EYS: variants seen among roughly 807,000 people sequenced by gnomAD.
EYS encodes protein eyes shut homolog.
EYS carries 250 observed loss-of-function variants against 282.1 expected under a neutral mutation model. The observed-to-expected ratio is 0.89, with a 90% CI of 0.80 to 0.98. The LOEUF (loss-of-function observed/expected upper bound fraction) is 0.98, where lower values mean the gene tolerates loss of function less well. EYS is among the 50% of genes least tolerant of loss of function. The pLI, the probability that EYS is intolerant of heterozygous loss-of-function variation, is 0.00. For missense variants in EYS, 4,016 were observed against 3,709.0 expected, an observed-to-expected ratio of 1.08 and a Z score of -2.15; for synonymous variants, 1,355 against 1,282.9, an observed-to-expected ratio of 1.06 and a Z score of -1.20.
At chr6:63,738,869 C>T (rs1164387357) in intron 41 of EYS, among the ~76,000 whole-genome samples, 1 of 152,150 alleles carries the variant, frequency 6.6e-6, no homozygotes, top group East Asian at 1.9e-4. Flanking sequence ...CTAATCTCCA[C>T]CCACTAGCAG....
chr6:63,875,976 T>C (rs561095497), intron 35 of EYS, among the ~76,000 whole-genome samples: 1 of 152,346 alleles, frequency 6.6e-6, no homozygotes, highest in African/African-American at 2.4e-5. Context: ...TCTCCTTCAG[T>C]TCTGCTCTGA....
intron 2 of EYS, among the ~76,000 whole-genome samples, chr6:65,543,469 ATG>A (rs981138594): frequency 6.1e-5 from 9 of 148,248 alleles, no homozygotes; most frequent in Non-Finnish European, 7.4e-5. Context: ...TATATTAATT[ATG>A]TGTGTGTATA....
chr6:65,239,246 C>G lies in EYS; in HGVS notation c.2023+56617G>C, dbSNP rs559419726. 2.0e-5 allele frequency among the ~76,000 whole-genome samples: 3 copies of G among 151,928 alleles called. No homozygotes were observed. The South Asian group carries it at 6.2e-4, about 31-fold the overall frequency. ...ATTTGAAATGAGAGCGTAAAAATAACAATTACCACAATTTTTAAATTAATA... is the reference window on the plus strand; with the variant it reads ...ATTTGAAATGAGAGCGTAAAAATAAGAATTACCACAATTTTTAAATTAATA... On this transcript the variant is annotated intron_variant, in intron 12 of 42. Transcript: ENST00000503581.
At chr6:65,426,686 G>T (rs1036084766) in intron 5 of EYS, among the ~76,000 whole-genome samples, 1 of 152,014 alleles carries the variant, frequency 6.6e-6, no homozygotes, top group Non-Finnish European at 1.5e-5. Context: ...AAATCGTAGG[G>T]TTGTGAGACT....
At chr6:65,006,553 A>G (rs1771671076) in intron 13 of EYS, among the ~76,000 whole-genome samples, 1 of 151,784 alleles carries the variant, frequency 6.6e-6, no homozygotes, top group Non-Finnish European at 1.5e-5. Context: ...ACTCAAAAAT[A>G]TTAAAGTATG....
intron 22 of EYS, among the ~76,000 whole-genome samples, chr6:64,704,494 TATA>T (rs111840699): frequency 0.072 from 1,115 of 15,388 alleles, 25 homozygotes; most frequent in African/African-American, 0.13. Context: ...ATAATTATAA[TATA>T]ATACTTATAA....
chr6:65,105,489 T>C (rs1775009716), intron 12 of EYS, among the ~76,000 whole-genome samples: 1 of 151,890 alleles, frequency 6.6e-6, no homozygotes, highest in Admixed American at 6.6e-5. Flanking sequence ...GCGTTATGGT[T>C]TTCATTTAAT....
Position 63,863,663 on chromosome 6 carries a change from C to CTTTTTTTTTTTTTTT in EYS, c.7228+522_7228+523insAAAAAAAAAAAAAAA, listed in dbSNP as rs1436358110. On this transcript the variant is annotated intron_variant, in intron 36 of 42. Coordinates refer to ENST00000503581, the MANE Select transcript of EYS (RefSeq NM_001142800.2). Reference sequence around the variant, plus strand: ...TTTTTCTTTTCTTTTCTTTTCTTTTCTTTTCTTTTTTCTTTTTTTTTTTTT... The same window carrying CTTTTTTTTTTTTTTT: ...TTTTTCTTTTCTTTTCTTTTCTTTTCTTTTTTTTTTTTTTTTTTTCTTTTTTCTTTTTTTTTTTTT... Among the ~76,000 whole-genome samples the CTTTTTTTTTTTTTTT allele has an allele frequency of 3.6e-5, 2 of 55,792 alleles. 1 individual carries two copies. The allele number at this position is 55,792 out of a possible 152,430, so 36.6% of individuals were successfully genotyped here. A position where few individuals can be genotyped will look rare whatever the true frequency, so the allele number is the denominator to read the frequency against.
chr6:65,179,715 T>C (rs1098686), intron 12 of EYS, among the ~76,000 whole-genome samples: 20,891 of 152,020 alleles, frequency 0.14, 2,063 homozygotes, highest in African/African-American at 0.28. Flanking sequence ...ATGAGGCCAG[T>C]ATCATCCTGA....
intron 36 of EYS, among the ~76,000 whole-genome samples, chr6:63,818,083 AAAAC>A (rs1230629955): frequency 3.9e-5 from 6 of 152,218 alleles, no homozygotes; most frequent in Non-Finnish European, 8.8e-5. Context: ...CTAAGATTAT[AAAAC>A]AAATCCACCT....
intron 31 of EYS, among the ~76,000 whole-genome samples, chr6:64,085,340 G>GCACACACA (rs71551560): frequency 1.9e-4 from 26 of 139,880 alleles, no homozygotes; most frequent in African/African-American, 4.8e-4. Context: ...ACGTGCGCGC[G>GCACACACA]CACACACACA....
intron 26 of EYS, among the ~76,000 whole-genome samples, chr6:64,471,542 TC>T (rs1776121214): frequency 7.1e-6 from 1 of 141,370 alleles, no homozygotes; most frequent in African/African-American, 2.5e-5. Flanking sequence ...TTAAAAGACC[TC>T]TATAAGGGAA....
At chr6:64,488,640 T>C (rs1204752434) in intron 26 of EYS, among the ~76,000 whole-genome samples, 1 of 151,078 alleles carries the variant, frequency 6.6e-6, no homozygotes, top group Non-Finnish European at 1.5e-5. Context: ...AGACTAACTA[T>C]GTTTATAATA....
chr6:64,638,627 A>T (rs115632385), intron 22 of EYS, among the ~76,000 whole-genome samples: 1,112 of 90,774 alleles, frequency 0.012, 388 homozygotes, highest in African/African-American at 0.044. Context: ...GACTATCTTC[A>T]CCCTGAGACA....
intron 22 of EYS, among the ~76,000 whole-genome samples, chr6:64,774,392 T>C (rs1278925029): frequency 2.6e-5 from 4 of 151,918 alleles, no homozygotes; most frequent in African/African-American, 9.7e-5. Context: ...CTTGCAGATT[T>C]ATCTCCACTC....
At chr6:64,624,267 C>A (rs1767533112) in intron 23 of EYS, among the ~76,000 whole-genome samples, 1 of 152,058 alleles carries the variant, frequency 6.6e-6, no homozygotes, top group Non-Finnish European at 1.5e-5. Context: ...CCTACAGCAA[C>A]AAAACTAATC....
Position 63,726,639 on chromosome 6 carries a change from A to T in EYS, c.8113T>A (p.Ser2705Thr), listed in dbSNP as rs1325363549. 3.2e-6 allele frequency: 5 copies of T among 1,551,340 alleles called. No homozygotes were observed. The highest frequency in any genetic ancestry group is 2.7e-5 in the African/African-American group (2 of 73,160). ...TGAAAGGAAGCAAAAGACATCCAGG[A>T]TAACTCATTGCTTCTGAAAGATGGA... ...SDPSFRSNELSWMSFASFHVR... is the reference protein window; with the variant it reads ...SDPSFRSNELTWMSFASFHVR... Residue 2705 changes from serine to threonine, a missense_variant, in exon 42 of 43, where the codon TCC becomes ACC. Physicochemically the swap from Ser to Thr is moderately conservative, Grantham distance 58. Coordinates refer to ENST00000503581, the MANE Select transcript of EYS (RefSeq NM_001142800.2).
chr6:65,475,190 T>C (rs1029571535), intron 5 of EYS, among the ~76,000 whole-genome samples: 7 of 152,126 alleles, frequency 4.6e-5, no homozygotes, highest in Non-Finnish European at 8.8e-5. Context: ...ATTTATTTTC[T>C]CATAGTTAAA....
At chr6:65,159,519 TG>T (rs201206308) in intron 12 of EYS, among the ~76,000 whole-genome samples, 1,939 of 151,028 alleles carry the variant, frequency 0.013, 51 homozygotes, top group African/African-American at 0.044. Context: ...AGAATTTAAA[TG>T]TTTTTTTGAG....
Sources: gnomAD v4.1 joint callset for allele counts (sites outside exome capture counted in the v4.1 genomes callset) on GRCh38, gnomAD v4.1.1 for gene constraint, MANE v1.5 for transcripts, NCBI Gene and HGNC (gene_info 2026-07-23, HGNC 2026-07-21) for gene names.